The following EIF2AK4 variants were observed in gnomAD, a reference collection of about 807,000 sequenced individuals.
The protein encoded by EIF2AK4 is eukaryotic translation initiation factor 2 alpha kinase 4.
Under a neutral mutation model 211.1 loss-of-function variants are expected in EIF2AK4, and 139 were observed. The ratio of observed to expected loss-of-function variants is 0.66; its 90% confidence interval spans 0.57 to 0.76. EIF2AK4 has a LOEUF of 0.76. EIF2AK4 is among the 30% of genes least tolerant of loss of function. EIF2AK4 has a pLI of 0.00. For missense variants in EIF2AK4, 1,664 were observed against 2,043.8 expected, an observed-to-expected ratio of 0.81 and a Z score of 3.58; for synonymous variants, 710 against 751.3, an observed-to-expected ratio of 0.94 and a Z score of 0.90.
At chr15:40,003,870 G>C (rs1006763726) in intron 23 of EIF2AK4, among the ~76,000 whole-genome samples, 4 of 152,228 alleles carry the variant, frequency 2.6e-5, no homozygotes, top group Non-Finnish European at 4.4e-5. Flanking sequence ...CTGTATGATA[G>C]AGCAAGGAAA....
At chr15:40,010,465 C>T (rs143826858) in intron 26 of EIF2AK4, among the ~76,000 whole-genome samples, 1,618 of 152,142 alleles carry the variant, frequency 0.011, 18 homozygotes, top group Admixed American at 0.015. Context: ...AGTATATGTG[C>T]GGGTACAGAG....
At chr15:39,995,953 T>C (rs1195426927) in intron 18 of EIF2AK4, among the ~76,000 whole-genome samples, 1 of 152,218 alleles carries the variant, frequency 6.6e-6, no homozygotes, top group African/African-American at 2.4e-5. Flanking sequence ...GCTTTAGATC[T>C]CCAGAATGTA....
Position 40,035,051 on chromosome 15 carries a change from C to A in EIF2AK4, c.4917C>A (p.Ser1639Arg), listed in dbSNP as rs1428866264. The stretch of plus-strand genomic sequence containing the variant: ...GGGTGTCTGTGCTATTTCTGTACAG[C>A]TATAGAGATGACTACTACAGAATCT... ...EKKVSVLFLY[S>R]YRDDYYRILF is the part of the protein sequence containing the mutation. The change falls in exon 39 of 39, where the codon AGC becomes AGA. Residue 1639 changes from serine (S) to arginine (R), a missense_variant. This residue lies in a region of EIF2AK4 where 138 missense variants were observed against 165.1 expected (regional missense o/e 0.84). Transcript: ENST00000263791. 3 of 1,585,738 alleles carry A rather than the reference C, an allele frequency of 1.9e-6. No individual in the cohort carries two copies. The highest frequency in any genetic ancestry group is 2.6e-6 in the Non-Finnish European group (3 of 1,167,116).
At chr15:40,016,093 A>AAT (rs2035299400) in intron 27 of EIF2AK4, among the ~76,000 whole-genome samples, 1 of 152,238 alleles carries the variant, frequency 6.6e-6, no homozygotes, top group African/African-American at 2.4e-5. Flanking sequence ...ATTCTGTATT[A>AAT]AAACAAGTCA....
At chr15:39,969,116 T>C (rs1453518381) in intron 9 of EIF2AK4, among the ~76,000 whole-genome samples, 1 of 152,100 alleles carries the variant, frequency 6.6e-6, no homozygotes, top group African/African-American at 2.4e-5. Flanking sequence ...TTCATTTCCA[T>C]CTTCAAAATG....
chr15:39,946,083 AG>A (rs2034224026), intron 3 of EIF2AK4, among the ~76,000 whole-genome samples: 3 of 152,266 alleles, frequency 2.0e-5, no homozygotes, highest in Admixed American at 6.5e-5. Flanking sequence ...TCCATTCTGT[AG>A]CCCATGGATG....
intron 27 of EIF2AK4, among the ~76,000 whole-genome samples, chr15:40,014,525 G>A (rs2035279353): frequency 6.6e-6 from 1 of 152,242 alleles, no homozygotes; most frequent in Non-Finnish European, 1.5e-5. Flanking sequence ...TTTAGCCATG[G>A]GTGGAGCAGC....
At chr15:39,990,217 AG>A in intron 15 of EIF2AK4, 55 bp from the exon 16 acceptor site, 1 of 1,530,026 alleles carries the variant, frequency 6.5e-7, no homozygotes, top group Non-Finnish European at 9.0e-7. Context: ...ATTAGGAAGT[AG>A]GTATAACTTT....
Position 39,949,173 on chromosome 15 carries a change from C to T in EIF2AK4, c.418C>T (p.Pro140Ser). ...VQSFLSEHNK[P>S]PPKSFHEEML... ...GTCATTTCTCAGCGAGCATAACAAG[C>T]CCCCTCCCAAGTCTTTTCATGAAGA... The change falls in exon 4 of 39, where the codon CCC becomes TCC. Residue 140 changes from proline to serine, a missense_variant. By Grantham distance (74) the Pro-to-Ser change is moderately conservative. Transcript: ENST00000263791. The T allele has an allele frequency of 6.2e-7, 1 of 1,614,034 alleles. No homozygotes were observed. The highest frequency in any genetic ancestry group is 8.5e-7 in the Non-Finnish European group (1 of 1,180,000).
intron 14 of EIF2AK4, 40 bp from the exon 15 acceptor site, chr15:39,987,943 C>T: frequency 6.2e-7 from 1 of 1,607,844 alleles, no homozygotes; most frequent in Non-Finnish European, 8.5e-7. Flanking sequence ...TCACTTAAAA[C>T]TGTTGTGTAA....
At chr15:40,013,300 A>T (rs952829295) in intron 27 of EIF2AK4, among the ~76,000 whole-genome samples, 1 of 151,100 alleles carries the variant, frequency 6.6e-6, no homozygotes, top group Non-Finnish European at 1.5e-5. Context: ...CTCCCACTTA[A>T]TTTTTTTTTC....
chr15:39,979,756 A>T (rs1176464881), intron 13 of EIF2AK4, among the ~76,000 whole-genome samples: 1 of 152,212 alleles, frequency 6.6e-6, no homozygotes, highest in African/African-American at 2.4e-5. Context: ...TCCCAGATAG[A>T]TATCAAGTTT....
At chr15:40,011,431 G>C in intron 27 of EIF2AK4, 85 bp downstream of exon 27, 1 of 1,224,320 alleles carries the variant, frequency 8.2e-7, no homozygotes, top group Non-Finnish European at 1.2e-6. Context: ...GTTGCAGTAG[G>C]GTAGCAGCCA....
intron 32 of EIF2AK4, among the ~76,000 whole-genome samples, chr15:40,022,894 C>T (rs967005650): frequency 6.6e-6 from 1 of 152,118 alleles, no homozygotes; most frequent in Non-Finnish European, 1.5e-5. Flanking sequence ...CCACCACGCT[C>T]GGCTAATTTT....
intron 3 of EIF2AK4, among the ~76,000 whole-genome samples, chr15:39,945,998 G>A (rs763710732): frequency 3.3e-5 from 5 of 152,168 alleles, no homozygotes; most frequent in Admixed American, 1.3e-4. Context: ...CATTGACAGC[G>A]CACCTAGTCA....
chr15:39,976,617 C>G lies in EIF2AK4; in HGVS notation c.2022C>G (p.Pro674=). The G allele has an allele frequency of 6.2e-7, 1 of 1,607,688 alleles. No homozygotes were observed. The highest frequency in any genetic ancestry group is 8.5e-7 in the Non-Finnish European group (1 of 1,177,826). ...GPGTPPPDSG[P]LAKDDRAARG... is the part of the protein sequence containing the mutation. ...GGACGCCGCCCCCGGACTCCGGGCC[C>G]CTGGCCAAGGATGACCGAGCTGCAC... Residue 674 remains proline, a synonymous_variant, in exon 12 of 39, where the codon CCC becomes CCG. Transcript: ENST00000263791.
intron 23 of EIF2AK4, among the ~76,000 whole-genome samples, chr15:40,004,697 A>C (rs986458887): frequency 6.6e-6 from 1 of 152,202 alleles, no homozygotes; most frequent in Non-Finnish European, 1.5e-5. Flanking sequence ...AAACAGGGCA[A>C]GACTCTGTCT....
At chr15:40,020,551 A>G (rs952045634) in intron 30 of EIF2AK4, 1 of 151,024 alleles carries the variant, frequency 6.6e-6, no homozygotes, top group Non-Finnish European at 1.5e-5. Flanking sequence ...TTAGCCGGGC[A>G]TGGTGGTGCA....
In EIF2AK4 at chr15:39,972,942, C is replaced by T. The variant is rs2034645417; in HGVS notation, c.1588C>T (p.Pro530Ser). 1.2e-6 allele frequency: 2 copies of T among 1,613,810 alleles called. No homozygotes were observed. The highest frequency in any genetic ancestry group is 8.5e-7 in the Non-Finnish European group (1 of 1,179,978). The change falls in exon 10 of 39, where the codon CCC (proline) becomes TCC (serine). Residue 530 changes from proline (P) to serine (S), a missense_variant. Pro to Ser is a moderately conservative substitution (Grantham distance 74, BLOSUM62 -1). This residue lies in a region of EIF2AK4 where 641 missense variants were observed against 729.6 expected (regional missense o/e 0.88). Coordinates refer to ENST00000263791, the MANE Select transcript of EIF2AK4 (RefSeq NM_001013703.4). Reference protein sequence around the residue: ...VCLDDKERWSPQQLLKHSFIN... With the variant: ...VCLDDKERWSSQQLLKHSFIN... ...CTTGGATGACAAGGAAAGATGGAGT[C>T]CCCAGCAGTTGTTGAAACACAGCTT...
Sources: allele counts gnomAD v4.1 joint callset (sites outside exome capture counted in the v4.1 genomes callset), GRCh38; gene constraint gnomAD v4.1.1; regional missense constraint gnomAD v4.1.1; transcripts MANE v1.5; gene names NCBI Gene and HGNC (gene_info 2026-07-23, HGNC 2026-07-21).